GPHN: variants seen among roughly 807,000 people sequenced by gnomAD.
The protein encoded by GPHN is gephyrin.
GPHN carries 17 observed loss-of-function variants against 95.5 expected under a neutral mutation model. The observed-to-expected ratio is 0.18, with a 90% CI of 0.12 to 0.27. The LOEUF (loss-of-function observed/expected upper bound fraction) is 0.27, where lower values mean the gene tolerates loss of function less well. GPHN is among the 10% of genes least tolerant of loss of function. GPHN has a pLI of 1.00. For synonymous variants in GPHN, 320 were observed against 322.5 expected (o/e 0.99, Z 0.08); for missense variants, 660 against 978.1 (o/e 0.67, Z 4.34).
At chr14:66,861,182 G>C (rs897764900) in intron 4 of GPHN, among the ~76,000 whole-genome samples, 6 of 151,960 alleles carry the variant, frequency 3.9e-5, no homozygotes, top group African/African-American at 1.4e-4. Context: ...AAAATAAAAA[G>C]ATGGAAAAAG....
At chr14:67,650,330 C>A in the GPHN span, 1 of 246,462 alleles carries the variant, frequency 4.1e-6, no homozygotes, top group Non-Finnish European at 7.9e-6. Flanking sequence ...GATTCATTTC[C>A]AGGCAGGCAT....
At chr14:66,822,201 C>T (rs573476057) in intron 3 of GPHN, among the ~76,000 whole-genome samples, 3 of 152,332 alleles carry the variant, frequency 2.0e-5, no homozygotes, top group African/African-American at 7.2e-5. Context: ...CCACCCACCT[C>T]GGCCTCCCAA....
chr14:67,734,148 C>T, the GPHN span: 78 of 331,440 alleles, frequency 2.4e-4, no homozygotes, highest in Middle Eastern at 1.1e-3. Context: ...GGCAGAAGAG[C>T]CCGAGAAATT....
chr14:67,012,328 A>G (rs1269005749), intron 9 of GPHN, among the ~76,000 whole-genome samples: 1 of 152,218 alleles, frequency 6.6e-6, no homozygotes, highest in African/African-American at 2.4e-5. Flanking sequence ...GTAAAACTTC[A>G]ATAAACAACA....
At chr14:67,705,479 C>T in the GPHN span, among the ~76,000 whole-genome samples, 4 of 152,164 alleles carry the variant, frequency 2.6e-5, no homozygotes, top group Non-Finnish European at 5.9e-5. Flanking sequence ...AGACTTGCCC[C>T]AGGTAGGCTA....
intron 1 of GPHN, among the ~76,000 whole-genome samples, chr14:66,635,793 CAA>C (rs369267786): frequency 6.6e-6 from 1 of 152,028 alleles, no homozygotes; most frequent in African/African-American, 2.4e-5. Flanking sequence ...GGGAAACACT[CAA>C]AGAAAAAATT....
At chr14:67,515,871 C>T in the GPHN span, among the ~76,000 whole-genome samples, 4 of 152,210 alleles carry the variant, frequency 2.6e-5, no homozygotes, top group African/African-American at 9.6e-5. Flanking sequence ...CATGTAAGGT[C>T]ATTTGTTTAT....
chr14:67,692,625 A>C, the GPHN span: 1 of 1,519,092 alleles, frequency 6.6e-7, no homozygotes, highest in Non-Finnish European at 8.8e-7. Flanking sequence ...AGAAATGGTC[A>C]GCTCTGTTTT....
At chr14:67,329,567 G>A in the GPHN span, among the ~76,000 whole-genome samples, 53 of 152,240 alleles carry the variant, frequency 3.5e-4, no homozygotes, top group East Asian at 1.5e-3. Context: ...GTTTTCAAAG[G>A]GAATGCTTCC....
chr14:67,503,428 T>C, the GPHN span: 1 of 152,298 alleles, frequency 6.6e-6, no homozygotes, highest in South Asian at 2.1e-4. Context: ...GAGATACGTT[T>C]GGAAAAGCGT....
chr14:67,172,502 C>A (rs961882470), intron 21 of GPHN, among the ~76,000 whole-genome samples: 2 of 152,110 alleles, frequency 1.3e-5, no homozygotes, highest in African/African-American at 4.8e-5. Context: ...CAGCCATGTC[C>A]CCAGGGCCTG....
At chr14:67,587,573 C>A in the GPHN span, 1 of 302,476 alleles carries the variant, frequency 3.3e-6, no homozygotes, top group Admixed American at 4.9e-5. Context: ...CACTGGTACT[C>A]TCAAGGAAGC....
the GPHN span, among the ~76,000 whole-genome samples, chr14:67,638,942 G>A: frequency 6.6e-6 from 1 of 152,228 alleles, no homozygotes; most frequent in Non-Finnish European, 1.5e-5. Context: ...TAGCCAGAAT[G>A]CTGTTTGGTG....
chr14:66,826,219 T>G (rs10148975), intron 4 of GPHN, among the ~76,000 whole-genome samples: 77,224 of 151,908 alleles, frequency 0.51, 22,470 homozygotes, highest in African/African-American at 0.8. Context: ...TGTATCCTAC[T>G]GGGCTTTCAG....
intron 3 of GPHN, among the ~76,000 whole-genome samples, chr14:66,778,679 T>A (rs961246932): frequency 2.7e-5 from 4 of 150,554 alleles, no homozygotes; most frequent in African/African-American, 4.9e-5. Context: ...TAAATTCAAA[T>A]TCAATTCAAA....
chr14:66,985,580 T>A, intron 9 of GPHN: 1 of 699,618 alleles, frequency 1.4e-6, no homozygotes, highest in Non-Finnish European at 2.5e-6. Context: ...CCACAGAGAG[T>A]CAATTGATGT....
intron 1 of GPHN, among the ~76,000 whole-genome samples, chr14:66,593,256 C>G (rs1275462595): frequency 6.7e-6 from 1 of 150,308 alleles, no homozygotes; most frequent in African/African-American, 2.4e-5. Flanking sequence ...ACCTATGTAA[C>G]AAACCTGCAC....
chr14:66,992,522 G>A (rs1254678354), intron 9 of GPHN, among the ~76,000 whole-genome samples: 3 of 152,104 alleles, frequency 2.0e-5, no homozygotes, highest in African/African-American at 7.2e-5. Context: ...GCCAATATGG[G>A]ATAGTATGAA....
the GPHN span, among the ~76,000 whole-genome samples, chr14:67,731,207 C>CTTT: frequency 4.2e-3 from 376 of 90,278 alleles, no homozygotes; most frequent in Middle Eastern, 9.6e-3. Context: ...TTCTTTCTTT[C>CTTT]TTTTTTTTTT....
Sources: gnomAD v4.1 joint callset for allele counts (sites outside exome capture counted in the v4.1 genomes callset) on GRCh38, gnomAD v4.1.1 for gene constraint, MANE v1.5 for transcripts, NCBI Gene and HGNC (gene_info 2026-07-23, HGNC 2026-07-21) for gene names.